Variants in FAM149B1 observed in about 807,000 individuals in gnomAD.
FAM149B1 encodes the protein family with sequence similarity 149 member B1, also known as primary cilium assembly protein FAM149B1.
A neutral mutation model predicts 75.3 loss-of-function variants in FAM149B1; 56 were observed. The observed-to-expected ratio is 0.74, with a 90% CI of 0.60 to 0.93. The LOEUF (loss-of-function observed/expected upper bound fraction) is 0.93, where lower values mean the gene tolerates loss of function less well. Ranked by LOEUF, FAM149B1 falls within the 40% of genes least tolerant of loss-of-function variation. FAM149B1 has a pLI of 0.00. For missense variants in FAM149B1, 639 were observed against 708.4 expected, an observed-to-expected ratio of 0.90 and a Z score of 1.11; for synonymous variants, 259 against 256.1, an observed-to-expected ratio of 1.01 and a Z score of -0.11.
chr10:73,192,490 C>T, intron 3 of FAM149B1, 66 bp from the exon 4 acceptor site: 1 of 1,454,002 alleles, frequency 6.9e-7, no homozygotes, highest in South Asian at 1.3e-5. Flanking sequence ...TGCTTTTAAT[C>T]TTTATAATTT....
chr10:73,234,847 C>T lies in FAM149B1; in HGVS notation c.1383C>T (p.Pro461=), dbSNP rs1327068654. 1 of 1,551,694 alleles carries T rather than the reference C, an allele frequency of 6.4e-7. No individual in the cohort carries two copies. Among genetic ancestry groups the T allele is most frequent in the Non-Finnish European group, 8.7e-7 (1 of 1,147,002 alleles). The change falls in exon 11 of 14, where the codon CCC becomes CCT. Residue 461 remains proline, a synonymous_variant. Transcript: ENST00000242505. Reference sequence around the variant, plus strand: ...TGGCACCCGACTCGCTCTCCTCTCCCTCACCGACGCCCCTGAGTCGAAATA... The same window carrying T: ...TGGCACCCGACTCGCTCTCCTCTCCTTCACCGACGCCCCTGAGTCGAAATA... The part of the protein sequence containing the change: ...VPVAPDSLSS[P]SPTPLSRNNL...
At chr10:73,186,685 CG>C (rs1174702190) in intron 3 of FAM149B1, among the ~76,000 whole-genome samples, 1 of 152,100 alleles carries the variant, frequency 6.6e-6, no homozygotes, top group African/African-American at 2.4e-5. Context: ...TCATACAATG[CG>C]ATTATTATTC....
rs182472881 is a variant in FAM149B1, at chr10:73,175,705, T to C, written c.152+914T>C. 4.5e-3 allele frequency among the ~76,000 whole-genome samples: 647 copies of C among 145,298 alleles called. 3 individuals carry two copies. The highest frequency in any genetic ancestry group is 0.015 in the African/African-American group (610 of 39,694). ...AAAAAAAGAAAAGAAAAAACATAAA[T>C]TAAATAAATATCAGAAAGAGCAAGA... On this transcript the variant is annotated intron_variant, in intron 2 of 13. Transcript: ENST00000242505.
rs1221805201 is a variant in FAM149B1, at chr10:73,222,159, TTTC to T, written c.899-5898_899-5896del. On this transcript the variant is annotated intron_variant, in intron 7 of 13. Transcript: ENST00000242505. The stretch of plus-strand genomic sequence containing the variant: ...GCATTTTACCTTACTAAGGGATGAA[TTTC>T]TTTTTATTACTGCATATTTTCTTGA... 2.0e-5 allele frequency among the ~76,000 whole-genome samples: 3 copies of T among 152,300 alleles called. No homozygotes were observed. In the East Asian group the frequency reaches 5.8e-4, roughly 29 times the overall value.
chr10:73,240,069 C>T (rs1276611521), intron 13 of FAM149B1, among the ~76,000 whole-genome samples: 1 of 152,158 alleles, frequency 6.6e-6, no homozygotes, highest in Non-Finnish European at 1.5e-5. Context: ...GGGCTACAAG[C>T]AGTGCCACCA....
chr10:73,177,859 A>G lies in FAM149B1; in HGVS notation c.166A>G (p.Thr56Ala), dbSNP rs781131842. Residue 56 changes from threonine to alanine, a missense_variant, in exon 3 of 14, where the codon ACA becomes GCA. Transcript: ENST00000242505. ...DTSSQSKSDITRESSFTSADT... is the reference protein window; with the variant it reads ...DTSSQSKSDIARESSFTSADT... The stretch of plus-strand genomic sequence containing the variant: ...TTGTGCCTTTAGCAAGTCTGACATC[A>G]CAAGAGAATCATCTTTTACATCAGC... 3.2e-5 allele frequency: 50 copies of G among 1,551,534 alleles called. No individual in the cohort carries two copies. Among genetic ancestry groups the G allele is most frequent in the Non-Finnish European group, 4.1e-5 (47 of 1,146,922 alleles).
At chr10:73,236,620 G>A (rs1353699797) in intron 12 of FAM149B1, among the ~76,000 whole-genome samples, 1 of 151,778 alleles carries the variant, frequency 6.6e-6, no homozygotes, top group Non-Finnish European at 1.5e-5. Context: ...TGCCATCTTG[G>A]CCAGGCTGGT....
intron 9 of FAM149B1, among the ~76,000 whole-genome samples, chr10:73,232,127 G>C (rs1045085994): frequency 2.6e-5 from 4 of 152,050 alleles, no homozygotes; most frequent in Non-Finnish European, 5.9e-5. Context: ...GCAGAGCTTA[G>C]CTGCGTTATT....
chr10:73,222,513 G>A (rs565937595), intron 7 of FAM149B1, among the ~76,000 whole-genome samples: 1 of 152,196 alleles, frequency 6.6e-6, no homozygotes, highest in Admixed American at 6.5e-5. Flanking sequence ...ACCCTCTGCA[G>A]ATATCATGGG....
intron 3 of FAM149B1, among the ~76,000 whole-genome samples, chr10:73,179,561 A>G (rs908124452): frequency 2.0e-5 from 3 of 149,164 alleles, no homozygotes; most frequent in South Asian, 2.1e-4. Context: ...CCACAGGTGC[A>G]TGCCACCACA....
At chr10:73,227,328 A>G (rs964186490) in intron 7 of FAM149B1, among the ~76,000 whole-genome samples, 10 of 152,126 alleles carry the variant, frequency 6.6e-5, no homozygotes, top group East Asian at 5.8e-4. Context: ...GCCTCAAGCA[A>G]TCTGCCTCAG....
chr10:73,192,922 T>G (rs2042717341), intron 4 of FAM149B1, among the ~76,000 whole-genome samples: 1 of 152,206 alleles, frequency 6.6e-6, no homozygotes, highest in Non-Finnish European at 1.5e-5. Flanking sequence ...GTAAAAACTA[T>G]TTCTACAACA....
At position 73,233,077 on chromosome 10, in the gene FAM149B1, A is replaced by T. The variant is rs1273094760; in HGVS notation, c.1266A>T (p.Pro422=). The T allele has an allele frequency of 6.4e-7, 1 of 1,551,700 alleles. No homozygotes were observed. Among genetic ancestry groups the T allele is most frequent in the South Asian group, 1.2e-5 (1 of 84,056 alleles). Residue 422 remains proline, a synonymous_variant, in exon 10 of 14, where the codon CCA becomes CCT. Transcript: ENST00000242505. ...AGTCCACCAGGAGACGCAATCCACCACCACGAACTCTTCATCCGATCAGCA... is the reference window on the plus strand; with the variant it reads ...AGTCCACCAGGAGACGCAATCCACCTCCACGAACTCTTCATCCGATCAGCA... ...TVQSTRRRNP[P]PRTLHPISTS... is the part of the protein sequence containing the mutation.
At chr10:73,202,984 T>G (rs1039834950) in intron 5 of FAM149B1, among the ~76,000 whole-genome samples, 14 of 152,202 alleles carry the variant, frequency 9.2e-5, no homozygotes, top group African/African-American at 3.1e-4. Context: ...AACTCTTGCA[T>G]AAGAGAAGTT....
At chr10:73,189,338 T>C (rs2042624007) in intron 3 of FAM149B1, among the ~76,000 whole-genome samples, 1 of 152,216 alleles carries the variant, frequency 6.6e-6, no homozygotes. Flanking sequence ...AGTTTAGTAA[T>C]TTCTTTAAAC....
chr10:73,210,190 T>C, intron 6 of FAM149B1, 61 bp from the exon 7 acceptor site: 1 of 1,236,072 alleles, frequency 8.1e-7, no homozygotes, highest in Non-Finnish European at 1.1e-6. Context: ...ACACAGACAA[T>C]TTTAGAAAGG....
At chr10:73,223,065 A>C (rs2043454429) in intron 7 of FAM149B1, among the ~76,000 whole-genome samples, 1 of 152,126 alleles carries the variant, frequency 6.6e-6, no homozygotes, top group Non-Finnish European at 1.5e-5. Flanking sequence ...GACTGCAGTG[A>C]GCTATGACTG....
chr10:73,207,541 G>A (rs1316370452), intron 5 of FAM149B1, among the ~76,000 whole-genome samples: 1 of 151,794 alleles, frequency 6.6e-6, no homozygotes, highest in Non-Finnish European at 1.5e-5. Context: ...TCCAGCCTGG[G>A]CGACAGAACG....
intron 1 of FAM149B1, among the ~76,000 whole-genome samples, chr10:73,172,634 G>A (rs190611152): frequency 5.9e-5 from 9 of 152,190 alleles, no homozygotes; most frequent in Admixed American, 2.6e-4. Context: ...AAAGTCTACC[G>A]CAGATTACTA....
Sources: allele counts gnomAD v4.1 joint callset (sites outside exome capture counted in the v4.1 genomes callset), GRCh38; gene constraint gnomAD v4.1.1; transcripts MANE v1.5; gene names NCBI Gene and HGNC (gene_info 2026-07-23, HGNC 2026-07-21).